Variants in EPHA6 observed in about 807,000 individuals in gnomAD.
The protein encoded by EPHA6 is ephrin type-A receptor 6.
In EPHA6, 50 loss-of-function variants were observed where a neutral mutation model predicts 112.0. The observed-to-expected ratio is 0.45, with a 90% confidence interval of 0.36 to 0.56. The LOEUF is 0.56. EPHA6 is among the 20% of genes least tolerant of loss of function. The pLI is 0.00. For synonymous variants in EPHA6, 529 were observed against 490.7 expected, an observed-to-expected ratio of 1.08 and a Z score of -1.03; for missense variants, 1,280 against 1,417.4, an observed-to-expected ratio of 0.90 and a Z score of 1.56.
At chr3:97,015,334 G>A (rs1009157652) in intron 3 of EPHA6, among the ~76,000 whole-genome samples, 2 of 152,110 alleles carry the variant, frequency 1.3e-5, no homozygotes, top group African/African-American at 4.8e-5. Flanking sequence ...ATTAAGTAGG[G>A]CCTATAAGCA....
At chr3:97,080,247 A>G (rs1470082916) in intron 3 of EPHA6, among the ~76,000 whole-genome samples, 1 of 152,150 alleles carries the variant, frequency 6.6e-6, no homozygotes, top group Non-Finnish European at 1.5e-5. Flanking sequence ...GCAAAGTACT[A>G]TGGTACTGGA....
chr3:97,062,405 A>G (rs186669249), intron 3 of EPHA6, among the ~76,000 whole-genome samples: 3 of 152,322 alleles, frequency 2.0e-5, no homozygotes, highest in Admixed American at 2.0e-4. Context: ...CCGAGATAGA[A>G]TGGGAAAAAA....
At chr3:96,967,053 A>G (rs1188386892) in intron 2 of EPHA6, among the ~76,000 whole-genome samples, 1 of 151,824 alleles carries the variant, frequency 6.6e-6, no homozygotes, top group Non-Finnish European at 1.5e-5. Flanking sequence ...TGAAAAATCT[A>G]AACATTCATA....
At chr3:97,244,546 A>G (rs2078933875) in intron 5 of EPHA6, 1 of 456,888 alleles carries the variant, frequency 2.2e-6, no homozygotes, top group Non-Finnish European at 3.8e-6. Context: ...TAATCATATA[A>G]CAATATATCT....
chr3:97,001,713 G>A (rs1425612822), intron 3 of EPHA6, among the ~76,000 whole-genome samples: 1 of 151,860 alleles, frequency 6.6e-6, no homozygotes, highest in Non-Finnish European at 1.5e-5. Flanking sequence ...GTAGAGTAGT[G>A]GTAAATTTAA....
At chr3:97,610,105 A>G (rs189034198) in intron 12 of EPHA6, among the ~76,000 whole-genome samples, 78 of 151,724 alleles carry the variant, frequency 5.1e-4, no homozygotes, top group Non-Finnish European at 8.3e-4. Context: ...TTCTGATCTT[A>G]TCTTCTATAC....
chr3:96,830,263 A>G (rs2033976102), intron 1 of EPHA6, among the ~76,000 whole-genome samples: 1 of 152,048 alleles, frequency 6.6e-6, no homozygotes, highest in South Asian at 2.1e-4. Flanking sequence ...TACAGAGGAT[A>G]TTTCCCTGAA....
intron 2 of EPHA6, among the ~76,000 whole-genome samples, chr3:96,972,537 T>C (rs150458582): frequency 7.1e-4 from 108 of 152,196 alleles, no homozygotes; most frequent in African/African-American, 2.5e-3. Flanking sequence ...TTAGAATATT[T>C]CCTTTTCTGT....
intron 5 of EPHA6, among the ~76,000 whole-genome samples, chr3:97,386,037 T>G (rs2086046996): frequency 6.6e-6 from 1 of 152,174 alleles, no homozygotes; most frequent in African/African-American, 2.4e-5. Flanking sequence ...AAAAATTTCA[T>G]GTCCTTCTCA....
At chr3:96,883,905 C>T (rs534509191) in intron 2 of EPHA6, among the ~76,000 whole-genome samples, 36 of 152,250 alleles carry the variant, frequency 2.4e-4, no homozygotes, top group African/African-American at 8.7e-4. Context: ...CTCCTGACTT[C>T]AGATGATTCA....
At chr3:96,969,596 A>G (rs1293467037) in intron 2 of EPHA6, among the ~76,000 whole-genome samples, 2 of 152,016 alleles carry the variant, frequency 1.3e-5, no homozygotes, top group Non-Finnish European at 1.5e-5. Flanking sequence ...AGGTATGTAC[A>G]GAATCATAAT....
chr3:97,285,225 T>C (rs1042980743), intron 5 of EPHA6, among the ~76,000 whole-genome samples: 2 of 152,254 alleles, frequency 1.3e-5, no homozygotes, highest in African/African-American at 4.8e-5. Flanking sequence ...GTGGAAGACA[T>C]TGCATTTGTA....
chr3:97,460,181 G>A (rs1270358902), intron 7 of EPHA6, among the ~76,000 whole-genome samples: 1 of 152,182 alleles, frequency 6.6e-6, no homozygotes, highest in Non-Finnish European at 1.5e-5. Context: ...CATTCAATTA[G>A]GCATCATAGG....
intron 5 of EPHA6, among the ~76,000 whole-genome samples, chr3:97,269,814 T>G (rs1559841231): frequency 6.6e-6 from 1 of 152,220 alleles, no homozygotes; most frequent in Non-Finnish European, 1.5e-5. Flanking sequence ...TATCATTGTA[T>G]TCTTCATATC....
At chr3:97,140,515 G>A (rs1230553951) in intron 3 of EPHA6, among the ~76,000 whole-genome samples, 6 of 152,226 alleles carry the variant, frequency 3.9e-5, no homozygotes, top group East Asian at 1.9e-4. Context: ...GCCAGAGATC[G>A]AGGCCTATGT....
intron 10 of EPHA6, among the ~76,000 whole-genome samples, chr3:97,512,333 CA>C (rs1210398028): frequency 1.3e-5 from 2 of 152,046 alleles, no homozygotes; most frequent in African/African-American, 4.8e-5. Flanking sequence ...TGTAAACTTT[CA>C]GTATATTAAA....
chr3:97,577,372 A>G (rs903708056), intron 11 of EPHA6, among the ~76,000 whole-genome samples: 1 of 152,212 alleles, frequency 6.6e-6, no homozygotes, highest in Non-Finnish European at 1.5e-5. Flanking sequence ...TTTATTCACT[A>G]TTGAAGATGA....
At chr3:97,465,307 T>G (rs948407424) in intron 7 of EPHA6, among the ~76,000 whole-genome samples, 2 of 152,104 alleles carry the variant, frequency 1.3e-5, no homozygotes, top group African/African-American at 4.8e-5. Context: ...TCTTATTTTC[T>G]TCAAAATAAT....
intron 3 of EPHA6, among the ~76,000 whole-genome samples, chr3:97,021,148 C>A (rs1019500127): frequency 1.3e-5 from 2 of 152,174 alleles, no homozygotes; most frequent in African/African-American, 4.8e-5. Context: ...TGTGTTCCTT[C>A]CTCTTGATCA....
Sources: allele counts gnomAD v4.1 joint callset (sites outside exome capture counted in the v4.1 genomes callset), GRCh38; gene constraint gnomAD v4.1.1; transcripts MANE v1.5; gene names NCBI Gene and HGNC (gene_info 2026-07-23, HGNC 2026-07-21).